Variants in TTC3 observed in about 807,000 individuals in gnomAD.
TTC3 encodes tetratricopeptide repeat domain 3.
A neutral mutation model predicts 249.6 loss-of-function variants in TTC3; 180 were observed. The observed-to-expected ratio is 0.72, with a 90% confidence interval of 0.64 to 0.82. The LOEUF (loss-of-function observed/expected upper bound fraction) is 0.82. Ranked by LOEUF, TTC3 falls within the 40% of genes least tolerant of loss-of-function variation. The pLI is 0.00. For synonymous variants in TTC3, 717 were observed against 805.0 expected, an observed-to-expected ratio of 0.89 and a Z score of 1.85; for missense variants, 2,061 against 2,398.4, an observed-to-expected ratio of 0.86 and a Z score of 2.94.
In TTC3 at chr21:37,192,109, C is replaced by T. The variant is rs2084215917; in HGVS notation, c.5116-3C>T. The stretch of plus-strand genomic sequence containing the variant: ...TTTCCCACACTTTACTTTCTACTCA[C>T]AGTCTCAGTTTGAAGAACAAATTAA... On this transcript the variant is annotated splice_polypyrimidine_tract_variant and splice_region_variant and intron_variant, in intron 40 of 45. Coordinates refer to ENST00000355666, the Ensembl canonical transcript of TTC3. The T allele has an allele frequency of 1.9e-6, 3 of 1,581,646 alleles. No individual in the cohort carries two copies. Among genetic ancestry groups the T allele is most frequent in the Admixed American group, 3.6e-5 (2 of 55,276 alleles).
chr21:37,151,769 G>A, intron 25 of TTC3, 124 bp from the exon 26 acceptor site: 1 of 1,088,056 alleles, frequency 9.2e-7, no homozygotes, highest in South Asian at 2.3e-5. Flanking sequence ...ACATTGAATG[G>A]AAGATGTAGG....
intron 35 of TTC3, among the ~76,000 whole-genome samples, chr21:37,173,854 G>A (rs1038515919): frequency 1.3e-5 from 2 of 152,158 alleles, no homozygotes; most frequent in Non-Finnish European, 2.9e-5. Flanking sequence ...TTTCCTGGCT[G>A]GGAGAAGTAA....
chr21:37,131,036 G>A (rs2077430365), intron 16 of TTC3, among the ~76,000 whole-genome samples: 1 of 152,082 alleles, frequency 6.6e-6, no homozygotes. Context: ...AGGAGGGTGT[G>A]GTATAATAAA....
rs1371315235 is a variant in TTC3 at position 37,141,143 on chromosome 21, C to T, written c.1772+470C>T. Among the ~76,000 whole-genome samples, 5 of 152,100 alleles carry T rather than the reference C, an allele frequency of 3.3e-5. No homozygotes were observed. In the East Asian group the frequency reaches 9.6e-4, roughly 29 times the overall value. On this transcript the variant is annotated intron_variant, in intron 20 of 45. Coordinates refer to ENST00000355666, the Ensembl canonical transcript of TTC3. ...AACTCTATTGTAGTTGTAATCCTTA[C>T]CTGCAGTTTAATATTGAAGCTGTTC... is the stretch of plus-strand genomic sequence containing the variant.
At chr21:37,139,659 C>G (rs2147952965) in intron 19 of TTC3, among the ~76,000 whole-genome samples, 1 of 152,238 alleles carries the variant, frequency 6.6e-6, no homozygotes, top group Admixed American at 6.5e-5. Flanking sequence ...CTCTCTAATT[C>G]TATTTTCCAA....
intron 21 of TTC3, among the ~76,000 whole-genome samples, chr21:37,146,177 C>T (rs766340661): frequency 3.5e-4 from 53 of 152,266 alleles, no homozygotes; most frequent in Middle Eastern, 3.4e-3. Flanking sequence ...GTTGAGGCTG[C>T]AGTGAGCCTT....
In TTC3 at chr21:37,162,388, A is replaced by G. The variant is rs2080840274; in HGVS notation, c.3170+325A>G. On this transcript the variant is annotated intron_variant, in intron 31 of 45. Transcript: ENST00000355666. ...GAAATTATTCTTTAAAATAGTCAAT[A>G]AAGAGAATGTCCTGTTAATACTTAC... is the stretch of plus-strand genomic sequence containing the variant. Among the ~76,000 whole-genome samples, 5 of 144,528 alleles carry G rather than the reference A, an allele frequency of 3.5e-5. No individual in the cohort carries two copies. The Admixed American group carries it at 3.6e-4, about 10-fold the overall frequency. 94.8% of individuals were successfully genotyped at this position (144,528 alleles called of 152,430 possible).
chr21:37,189,546 G>A, intron 39 of TTC3, among the ~76,000 whole-genome samples: 1 of 145,974 alleles, frequency 6.9e-6, no homozygotes, highest in Admixed American at 6.8e-5. Context: ...ACCTGGCCTT[G>A]TTCTTGTTTG....
chr21:37,076,862 C>T (rs533181547), intron 1 of TTC3, among the ~76,000 whole-genome samples: 6 of 151,948 alleles, frequency 3.9e-5, no homozygotes, highest in South Asian at 4.2e-4. Flanking sequence ...CCACCACACC[C>T]GGCTAATTTT....
chr21:37,152,708 T>C (rs995949080), intron 26 of TTC3, among the ~76,000 whole-genome samples: 1 of 152,188 alleles, frequency 6.6e-6, no homozygotes, highest in Non-Finnish European at 1.5e-5. Flanking sequence ...TGCTACTACA[T>C]GAATGGTTCA....
At chr21:37,143,036 T>C (rs1043474701) in intron 20 of TTC3, among the ~76,000 whole-genome samples, 2 of 152,240 alleles carry the variant, frequency 1.3e-5, no homozygotes, top group African/African-American at 4.8e-5. Flanking sequence ...GAAAACTGGC[T>C]AGCCATATGT....
chr21:37,111,203 A>C (rs187346688), intron 11 of TTC3, among the ~76,000 whole-genome samples: 1 of 152,210 alleles, frequency 6.6e-6, no homozygotes, highest in Non-Finnish European at 1.5e-5. Flanking sequence ...CATGCATAAC[A>C]ATACTAACCT....
rs763859740 is a variant in TTC3, at chr21:37,182,932, G to A, written c.4757+19G>A. ...GTGAAATGTAAGTAATGATTGAAAGGCAGTAATTTTTATTTAAAAAAAAAT... is the reference window on the plus strand; with the variant it reads ...GTGAAATGTAAGTAATGATTGAAAGACAGTAATTTTTATTTAAAAAAAAAT... On this transcript the variant is annotated intron_variant, in intron 36 of 45. Transcript: ENST00000355666. 1 of 1,509,146 alleles carries A rather than the reference G, an allele frequency of 6.6e-7. No homozygotes were observed. The highest frequency in any genetic ancestry group is 2.4e-5 in the East Asian group (1 of 41,662). 93.5% of individuals were successfully genotyped at this position (1,509,146 alleles called of 1,614,324 possible).
chr21:37,188,135 G>T (rs1012033772), intron 38 of TTC3: 1 of 154,640 alleles, frequency 6.5e-6, no homozygotes, highest in Non-Finnish European at 1.4e-5. Flanking sequence ...TAAACTTGCA[G>T]AGGATGCAGC....
At chr21:37,191,216 T>G (rs2084050487) in intron 39 of TTC3, 118 bp from the exon 40 acceptor site, 1 of 629,238 alleles carries the variant, frequency 1.6e-6, no homozygotes, top group Non-Finnish European at 2.6e-6. Context: ...ATAGTTGGAT[T>G]TTTGTGTGTA....
At chr21:37,121,861 T>C (rs768038257) in exon 12 of TTC3, 30 of 1,611,420 alleles carry the variant, frequency 1.9e-5, no homozygotes, top group Middle Eastern at 3.6e-4. Flanking sequence ...TGGGGGAATA[T>C]GACTGGGCCC....
At chr21:37,199,487 A>T (rs1829912798) in intron 44 of TTC3, among the ~76,000 whole-genome samples, 1 of 152,244 alleles carries the variant, frequency 6.6e-6, no homozygotes, top group African/African-American at 2.4e-5. Context: ...TGCTCACCAG[A>T]CTGTGAGCCG....
At chr21:37,149,651 A>G (rs1181203138) in intron 23 of TTC3, among the ~76,000 whole-genome samples, 1 of 152,208 alleles carries the variant, frequency 6.6e-6, no homozygotes, top group Non-Finnish European at 1.5e-5. Flanking sequence ...CTTGTCCTGC[A>G]GTTCTGCAGT....
chr21:37,174,194 G>A (rs947567929), intron 35 of TTC3, among the ~76,000 whole-genome samples: 4 of 152,108 alleles, frequency 2.6e-5, no homozygotes, highest in Admixed American at 6.5e-5. Flanking sequence ...GAAGAGTCTC[G>A]GAAATAAAGC....
Sources: gnomAD v4.1 joint callset for allele counts (sites outside exome capture counted in the v4.1 genomes callset) on GRCh38, gnomAD v4.1.1 for gene constraint, MANE v1.5 for transcripts, NCBI Gene and HGNC (gene_info 2026-07-23, HGNC 2026-07-21) for gene names.